The following MAGI2 variants were observed in gnomAD, a reference collection of about 807,000 sequenced individuals.
MAGI2 encodes the protein membrane associated guanylate kinase, WW and PDZ domain containing 2, also known as membrane-associated guanylate kinase, WW and PDZ domain-containing protein 2.
A neutral mutation model predicts 133.3 loss-of-function variants in MAGI2; 35 were observed. The ratio of observed to expected loss-of-function variants is 0.26; its 90% confidence interval spans 0.20 to 0.35. The LOEUF (loss-of-function observed/expected upper bound fraction) is 0.35. MAGI2 is among the 10% of genes least tolerant of loss of function. The probability of loss-of-function intolerance (pLI) is 1.00; values close to 1 mark genes in which losing one functional copy is unlikely to be tolerated. For missense variants in MAGI2, 1,636 were observed against 1,863.4 expected, an observed-to-expected ratio of 0.88 and a Z score of 2.25; for synonymous variants, 729 against 710.6, an observed-to-expected ratio of 1.03 and a Z score of -0.41.
chr7:78,780,881 A>G (rs1232298580), intron 2 of MAGI2, among the ~76,000 whole-genome samples: 2 of 152,248 alleles, frequency 1.3e-5, no homozygotes, highest in Non-Finnish European at 2.9e-5. Flanking sequence ...CTAGAATAAA[A>G]GTAAGATGAC....
intron 1 of MAGI2, 25 bp from the exon 2 acceptor site, chr7:79,007,231 T>C: frequency 7.2e-7 from 1 of 1,386,346 alleles, no homozygotes; most frequent in East Asian, 2.3e-5. Context: ...AGTTTCTTGG[T>C]AAGGGATGTT....
chr7:79,262,045 C>T (rs968708688), intron 1 of MAGI2, among the ~76,000 whole-genome samples: 3 of 152,134 alleles, frequency 2.0e-5, no homozygotes, highest in Admixed American at 6.5e-5. Flanking sequence ...AAATTCTCTC[C>T]TAGTAGTATT....
At chr7:78,474,557 G>A (rs535390779) in intron 6 of MAGI2, among the ~76,000 whole-genome samples, 2 of 151,996 alleles carry the variant, frequency 1.3e-5, no homozygotes, top group South Asian at 4.1e-4. Context: ...AAAATTCAGA[G>A]TGAGATCTAT....
chr7:78,686,453 T>C (rs1161140953), intron 2 of MAGI2, among the ~76,000 whole-genome samples: 1 of 151,970 alleles, frequency 6.6e-6, no homozygotes, highest in Non-Finnish European at 1.5e-5. Flanking sequence ...GTAATTTGTG[T>C]CCCTATAATA....
chr7:79,437,209 AG>A (rs1023271758), intron 1 of MAGI2, among the ~76,000 whole-genome samples: 1 of 152,110 alleles, frequency 6.6e-6, no homozygotes, highest in Non-Finnish European at 1.5e-5. Context: ...GGAGTGGGAG[AG>A]GGGACAAGGG....
chr7:78,531,077 G>T (rs1164527543), intron 3 of MAGI2, among the ~76,000 whole-genome samples: 1 of 152,086 alleles, frequency 6.6e-6, no homozygotes, highest in Non-Finnish European at 1.5e-5. Flanking sequence ...CAAGCAAAAT[G>T]CAGATGCAAA....
At chr7:78,689,592 T>A (rs1181493337) in intron 2 of MAGI2, among the ~76,000 whole-genome samples, 1 of 151,876 alleles carries the variant, frequency 6.6e-6, no homozygotes, top group African/African-American at 2.4e-5. Flanking sequence ...AGGCAACTAT[T>A]AATCTGCTTT....
chr7:78,504,839 T>C (rs58557122), intron 4 of MAGI2, among the ~76,000 whole-genome samples: 5,070 of 152,254 alleles, frequency 0.033, 207 homozygotes, highest in African/African-American at 0.091. Context: ...TGGAAAACTA[T>C]GTAGTTTAAA....
chr7:78,789,593 A>C (rs1563508990), intron 2 of MAGI2, among the ~76,000 whole-genome samples: 1 of 152,186 alleles, frequency 6.6e-6, no homozygotes, highest in Non-Finnish European at 1.5e-5. Context: ...TAATAGGTAT[A>C]TATATTTATG....
intron 2 of MAGI2, among the ~76,000 whole-genome samples, chr7:78,805,407 A>T (rs1405118795): frequency 1.3e-5 from 2 of 152,142 alleles, no homozygotes; most frequent in Non-Finnish European, 2.9e-5. Flanking sequence ...CCTCAATAAA[A>T]GATATGAGGT....
At chr7:78,588,126 C>A (rs534362105) in intron 3 of MAGI2, among the ~76,000 whole-genome samples, 1 of 152,182 alleles carries the variant, frequency 6.6e-6, no homozygotes. Context: ...TGAACAACAT[C>A]GAGTGTCACA....
chr7:79,187,874 C>T (rs1827303320), intron 1 of MAGI2, among the ~76,000 whole-genome samples: 1 of 151,650 alleles, frequency 6.6e-6, no homozygotes, highest in Admixed American at 6.6e-5. Flanking sequence ...ATACAGGAGA[C>T]CTAAATTTTT....
intron 2 of MAGI2, among the ~76,000 whole-genome samples, chr7:78,989,757 G>A (rs773698841): frequency 6.6e-6 from 1 of 151,918 alleles, no homozygotes; most frequent in Non-Finnish European, 1.5e-5. Flanking sequence ...GTCTCAACAT[G>A]AGGCCTTGTT....
intron 1 of MAGI2, among the ~76,000 whole-genome samples, chr7:79,109,241 G>A (rs1406814567): frequency 6.6e-6 from 1 of 152,206 alleles, no homozygotes; most frequent in African/African-American, 2.4e-5. Flanking sequence ...ACAGGAAGAT[G>A]AGGGAAGCCT....
chr7:78,133,070 A>G lies in MAGI2; in HGVS notation c.3032-10T>C. 6.5e-7 allele frequency: 1 copy of G among 1,534,000 alleles called. No individual in the cohort carries two copies. The highest frequency in any genetic ancestry group is 8.7e-7 in the Non-Finnish European group (1 of 1,145,354). On this transcript the variant is annotated splice_polypyrimidine_tract_variant and intron_variant, in intron 17 of 21. Coordinates refer to ENST00000354212, the MANE Select transcript of MAGI2 (RefSeq NM_012301.4). ...GTGGGGCTGTTGAGCTCTGCGATGG[A>G]GAACCAAAGCGGCAGATGCAGTCAG... is the stretch of plus-strand genomic sequence containing the variant.
chr7:78,505,182 G>T (rs1794975017), intron 4 of MAGI2, among the ~76,000 whole-genome samples: 1 of 152,022 alleles, frequency 6.6e-6, no homozygotes, highest in South Asian at 2.1e-4. Flanking sequence ...TCATCTTGCT[G>T]TCACTATTAA....
At chr7:78,912,282 G>A (rs138706085) in intron 2 of MAGI2, among the ~76,000 whole-genome samples, 1 of 152,056 alleles carries the variant, frequency 6.6e-6, no homozygotes, top group East Asian at 1.9e-4. Context: ...GACAAAACAG[G>A]TATGTACAAA....
intron 10 of MAGI2, among the ~76,000 whole-genome samples, chr7:78,201,858 G>C (rs1041325020): frequency 2.0e-5 from 3 of 152,054 alleles, no homozygotes; most frequent in Non-Finnish European, 4.4e-5. Context: ...TGATCTCTTT[G>C]TATTATCACA....
intron 9 of MAGI2, among the ~76,000 whole-genome samples, chr7:78,303,586 C>A (rs929254391): frequency 2.0e-5 from 3 of 152,116 alleles, no homozygotes; most frequent in African/African-American, 7.2e-5. Context: ...ACTTGTAAAG[C>A]ACTGTGCAGT....
Sources: allele counts gnomAD v4.1 joint callset (sites outside exome capture counted in the v4.1 genomes callset), GRCh38; gene constraint gnomAD v4.1.1; transcripts MANE v1.5; gene names NCBI Gene and HGNC (gene_info 2026-07-23, HGNC 2026-07-21).